TCF12: variants seen among roughly 807,000 people sequenced by gnomAD.
TCF12 encodes DNA-binding protein HTF4.
TCF12 carries 45 observed loss-of-function variants against 86.0 expected under a neutral mutation model. The observed-to-expected ratio is 0.52, with a 90% CI of 0.41 to 0.67. TCF12 has a LOEUF of 0.67. TCF12 is among the 30% of genes least tolerant of loss of function. The pLI is 0.00. For synonymous variants in TCF12, 330 were observed against 299.6 expected (o/e 1.10, Z -1.05); for missense variants, 881 against 859.9 (o/e 1.02, Z -0.31).
At chr15:57,082,531 A>G (rs1469110235) in intron 4 of TCF12, among the ~76,000 whole-genome samples, 4 of 152,222 alleles carry the variant, frequency 2.6e-5, no homozygotes, top group Admixed American at 2.0e-4. Context: ...ACTATTTCAG[A>G]TAAGAATATA....
chr15:57,022,391 A>T (rs2065548467), intron 3 of TCF12, among the ~76,000 whole-genome samples: 1 of 152,196 alleles, frequency 6.6e-6, no homozygotes, highest in Admixed American at 6.5e-5. Context: ...TGCAAAGGAC[A>T]TGAACTCATC....
Position 57,253,389 on chromosome 15 carries a change from C to G in TCF12, c.1388C>G (p.Ser463Cys). 4 of 1,614,048 alleles carry G rather than the reference C, an allele frequency of 2.5e-6. No individual in the cohort carries two copies. The East Asian group carries it at 8.9e-5, about 36-fold the overall frequency. Residue 463 changes from serine to cysteine, a missense_variant, in exon 16 of 21, where the codon TCC becomes TGC. Around this residue, in one of 3 missense-constraint regions of TCF12, gnomAD observed 766 missense variants for 718.9 expected, o/e 1.07. Coordinates refer to ENST00000333725, the MANE Select transcript of TCF12 (RefSeq NM_207037.2). Reference sequence around the variant, plus strand: ...GATATACATAGTTTATTGGGACCATCCCATAATGCACCAATTGGAAGCCTC... The same window carrying G: ...GATATACATAGTTTATTGGGACCATGCCATAATGCACCAATTGGAAGCCTC... The part of the protein sequence containing the change: ...HSDIHSLLGP[S>C]HNAPIGSLNS...
At chr15:56,935,572 A>G (rs12101705) in intron 3 of TCF12, among the ~76,000 whole-genome samples, 1,940 of 152,242 alleles carry the variant, frequency 0.013, 47 homozygotes, top group African/African-American at 0.04. Context: ...TGGTGCACCC[A>G]TCACCCAAGC....
chr15:57,289,112 C>T lies in TCF12; in HGVS notation c.*2967C>T, dbSNP rs1176031486. On this transcript the variant is annotated 3_prime_UTR_variant, in exon 21 of 21. Transcript: ENST00000333725. ...TGACTTTTTGTAGGACCTGTGCGTGCGAAACCCATGGCAATTGTCACATCC... is the reference window on the plus strand; with the variant it reads ...TGACTTTTTGTAGGACCTGTGCGTGTGAAACCCATGGCAATTGTCACATCC... The T allele has an allele frequency of 2.6e-5, 4 of 152,094 alleles. No individual in the cohort carries two copies. The highest frequency in any genetic ancestry group is 4.4e-5 in the Non-Finnish European group (3 of 68,022). The allele number at this position is 152,094 out of a possible 1,614,324, so 9.4% of individuals were successfully genotyped here. A position where few individuals can be genotyped will look rare whatever the true frequency, so the allele number is the denominator to read the frequency against.
chr15:57,247,308 C>G, intron 13 of TCF12: 2 of 657,968 alleles, frequency 3.0e-6, no homozygotes, highest in Non-Finnish European at 5.5e-6. Flanking sequence ...CCTTCACCAC[C>G]ATAGCCTCCT....
chr15:57,256,776 A>G (rs1440805612), intron 16 of TCF12, among the ~76,000 whole-genome samples: 1 of 152,160 alleles, frequency 6.6e-6, no homozygotes, highest in Non-Finnish European at 1.5e-5. Flanking sequence ...TTTGCCTTTC[A>G]TTATTCCATT....
chr15:57,202,035 T>C (rs2057566845), intron 8 of TCF12, among the ~76,000 whole-genome samples: 1 of 152,224 alleles, frequency 6.6e-6, no homozygotes, highest in African/African-American at 2.4e-5. Context: ...GGTGCAAGAC[T>C]TCATGTGTGA....
At chr15:57,073,598 GA>G (rs1400523410) in intron 4 of TCF12, among the ~76,000 whole-genome samples, 1 of 152,206 alleles carries the variant, frequency 6.6e-6, no homozygotes, top group Admixed American at 6.5e-5. Flanking sequence ...TAACTTATCA[GA>G]TATTAAATGC....
intron 12 of TCF12, among the ~76,000 whole-genome samples, chr15:57,239,636 A>ACTT (rs1288929035): frequency 6.6e-6 from 1 of 152,158 alleles, no homozygotes; most frequent in Non-Finnish European, 1.5e-5. Flanking sequence ...GTTTGAGTAA[A>ACTT]GATTTAAAGT....
At chr15:56,941,685 C>CG (rs1555452767) in intron 3 of TCF12, among the ~76,000 whole-genome samples, 57 of 143,392 alleles carry the variant, frequency 4.0e-4, no homozygotes, top group African/African-American at 1.5e-3. Flanking sequence ...TCTTCTTCTT[C>CG]TTTTTTTTTT....
intron 4 of TCF12, among the ~76,000 whole-genome samples, chr15:57,068,506 C>A (rs1464131818): frequency 1.3e-5 from 2 of 152,168 alleles, no homozygotes; most frequent in Admixed American, 6.5e-5. Flanking sequence ...TTCCCCTCTT[C>A]AACTGTTTAT....
intron 3 of TCF12, among the ~76,000 whole-genome samples, chr15:56,943,757 A>G (rs213161): frequency 0.95 from 143,884 of 152,252 alleles, 68,297 homozygotes; most frequent in Non-Finnish European, 0.99. Context: ...AAAATTTGGT[A>G]AAGTCATTAT....
At chr15:56,948,878 CTT>C (rs1286082278) in intron 3 of TCF12, among the ~76,000 whole-genome samples, 1 of 152,226 alleles carries the variant, frequency 6.6e-6, no homozygotes, top group Non-Finnish European at 1.5e-5. Flanking sequence ...AAGTCACACT[CTT>C]TCCCCAGAGA....
chr15:57,170,778 A>AAC (rs1834355577), intron 6 of TCF12, among the ~76,000 whole-genome samples: 1 of 53,154 alleles, frequency 1.9e-5, no homozygotes, highest in African/African-American at 8.4e-5. Context: ...TATTATATAT[A>AAC]ATATATATAT....
In TCF12 at chr15:56,956,976, G is replaced by A. The variant is rs138802823; in HGVS notation, c.148+35878G>A. Among the ~76,000 whole-genome samples, 3 of 152,294 alleles carry A rather than the reference G, an allele frequency of 2.0e-5. No individual in the cohort carries two copies. In the East Asian group the frequency reaches 5.8e-4, roughly 29 times the overall value. On this transcript the variant is annotated intron_variant, in intron 3 of 20. Transcript: ENST00000333725. ...TACCATTCTGATGATGTTGAAAGGT[G>A]TGATGTTTAAGAGGTCATGAGGGCT...
chr15:57,200,411 A>G (rs1269397033), intron 8 of TCF12, among the ~76,000 whole-genome samples: 2 of 152,126 alleles, frequency 1.3e-5, no homozygotes, highest in Non-Finnish European at 2.9e-5. Flanking sequence ...CAAACTATAA[A>G]CTTTTGACAT....
At chr15:57,185,826 G>A (rs575611868) in intron 6 of TCF12, among the ~76,000 whole-genome samples, 2 of 152,148 alleles carry the variant, frequency 1.3e-5, no homozygotes, top group Non-Finnish European at 2.9e-5. Context: ...AGGCTGCAGT[G>A]AGCCATGTTT....
chr15:56,968,907 T>C (rs2062145502), intron 3 of TCF12, among the ~76,000 whole-genome samples: 1 of 152,232 alleles, frequency 6.6e-6, no homozygotes, highest in Non-Finnish European at 1.5e-5. Context: ...AGGTATGGGC[T>C]TCCAGGTCTT....
At chr15:57,077,409 C>T in intron 4 of TCF12, among the ~76,000 whole-genome samples, 1 of 133,232 alleles carries the variant, frequency 7.5e-6, no homozygotes, top group Non-Finnish European at 1.5e-5. Flanking sequence ...AGGCTTTGCT[C>T]TGGCGCCCAG....
Sources: allele counts gnomAD v4.1 joint callset (sites outside exome capture counted in the v4.1 genomes callset), GRCh38; gene constraint gnomAD v4.1.1; regional missense constraint gnomAD v4.1.1; transcripts MANE v1.5; gene names NCBI Gene and HGNC (gene_info 2026-07-23, HGNC 2026-07-21).